The following PDE11A variants were observed in gnomAD, a reference collection of about 807,000 sequenced individuals.
PDE11A encodes dual 3',5'-cyclic-AMP and -GMP phosphodiesterase 11A.
A neutral mutation model predicts 100.5 loss-of-function variants in PDE11A; 100 were observed. The ratio of observed to expected loss-of-function variants is 1.00; its 90% CI spans 0.85 to 1.18. PDE11A has a LOEUF of 1.18. Among genes scored for constraint, PDE11A ranks in the 50% most tolerant of loss-of-function variants. PDE11A has a pLI of 0.00. For missense variants in PDE11A, 1,141 were observed against 1,152.6 expected (o/e 0.99, Z 0.15); for synonymous variants, 381 against 420.8 (o/e 0.91, Z 1.16).
intron 9 of PDE11A, among the ~76,000 whole-genome samples, chr2:177,800,731 G>C (rs1380091704): frequency 6.6e-6 from 1 of 151,802 alleles, no homozygotes; most frequent in Admixed American, 6.5e-5. Flanking sequence ...GAGACCTGAT[G>C]GGGGGAAGAA....
chr2:178,100,458 C>A (rs1574398758), intron 2 of PDE11A, among the ~76,000 whole-genome samples: 1 of 152,228 alleles, frequency 6.6e-6, no homozygotes, highest in East Asian at 1.9e-4. Context: ...TTTTTATTAA[C>A]ACTGAACTAC....
At chr2:177,784,692 C>G (rs935038158) in intron 9 of PDE11A, among the ~76,000 whole-genome samples, 1 of 152,186 alleles carries the variant, frequency 6.6e-6, no homozygotes, top group Non-Finnish European at 1.5e-5. Context: ...CTTTCCTGCA[C>G]AAGCCAAGAA....
At chr2:178,028,670 C>T (rs1159579764) in intron 1 of PDE11A, among the ~76,000 whole-genome samples, 1 of 152,194 alleles carries the variant, frequency 6.6e-6, no homozygotes, top group Non-Finnish European at 1.5e-5. Flanking sequence ...AGCCAGCTAG[C>T]AAAATGCTGC....
chr2:178,041,245 A>G (rs867443559), intron 1 of PDE11A, among the ~76,000 whole-genome samples: 1 of 139,144 alleles, frequency 7.2e-6, no homozygotes, highest in African/African-American at 2.7e-5. Context: ...AAGCTCAGAA[A>G]TTTTTTTTTT....
chr2:178,052,523 C>T (rs995744387), intron 1 of PDE11A, among the ~76,000 whole-genome samples: 1 of 152,046 alleles, frequency 6.6e-6, no homozygotes, highest in Non-Finnish European at 1.5e-5. Flanking sequence ...CAGAGCAGAA[C>T]TGAAGGAGAT....
At position 178,071,580 on chromosome 2, in the gene PDE11A, G is replaced by A. The variant is rs757577889; in HGVS notation, c.858C>T (p.Ile286=). The change falls in exon 1 of 20, where the codon ATC becomes ATT. Residue 286 remains isoleucine (I), a synonymous_variant. Transcript: ENST00000286063. ...NEVQVPWGKG[I]IGYVGEHGET... is the part of the protein sequence containing the mutation. ...CTCCATGCTCCCCGACATAGCCAAT[G>A]ATACCTTTGCCCCAGGGGACCTGCA... is the stretch of plus-strand genomic sequence containing the variant. 1.2e-5 allele frequency: 19 copies of A among 1,613,384 alleles called. No individual in the cohort carries two copies. The Admixed American group carries it at 2.7e-4, about 23-fold the overall frequency.
intron 2 of PDE11A, among the ~76,000 whole-genome samples, chr2:178,000,384 C>CA (rs1338133529): frequency 6.6e-6 from 1 of 152,174 alleles, no homozygotes; most frequent in Non-Finnish European, 1.5e-5. Context: ...TTTTGCTATA[C>CA]ATAGGAAAAT....
intron 10 of PDE11A, among the ~76,000 whole-genome samples, chr2:177,753,657 A>G: frequency 6.6e-6 from 1 of 151,810 alleles, no homozygotes; most frequent in Non-Finnish European, 1.5e-5. Context: ...TACCCACCCT[A>G]TATGGCATGT....
At chr2:177,790,870 T>G (rs1156261185) in intron 9 of PDE11A, among the ~76,000 whole-genome samples, 1 of 152,134 alleles carries the variant, frequency 6.6e-6, no homozygotes, top group Non-Finnish European at 1.5e-5. Flanking sequence ...TGGCAATCAT[T>G]AAAAAGTCAG....
chr2:177,939,675 A>G (rs1479979283), intron 2 of PDE11A, among the ~76,000 whole-genome samples: 1 of 152,246 alleles, frequency 6.6e-6, no homozygotes, highest in Non-Finnish European at 1.5e-5. Flanking sequence ...CTGGAATGCA[A>G]TCAGCAAAAT....
intron 10 of PDE11A, among the ~76,000 whole-genome samples, chr2:177,733,004 T>C (rs1420862085): frequency 1.3e-5 from 2 of 152,204 alleles, no homozygotes; most frequent in Non-Finnish European, 2.9e-5. Flanking sequence ...CAGACAAGCA[T>C]AAAAGATTTG....
At chr2:177,960,712 T>C (rs1179591157) in intron 2 of PDE11A, among the ~76,000 whole-genome samples, 1 of 152,152 alleles carries the variant, frequency 6.6e-6, no homozygotes, top group African/African-American at 2.4e-5. Flanking sequence ...AACACATTAA[T>C]CACAACTCTT....
rs181548718 is a variant in PDE11A, at chr2:178,045,154, A to G, written c.912+26372T>C. On this transcript the variant is annotated intron_variant, in intron 1 of 19. Transcript: ENST00000286063. ...ACTAGAGCTTCAGGTTTTTTCTCAG[A>G]GACAAATTGTACATCTCTTTGTTTT... 5.3e-5 allele frequency among the ~76,000 whole-genome samples: 8 copies of G among 152,250 alleles called. No individual in the cohort carries two copies. The East Asian group carries it at 1.4e-3, about 26-fold the overall frequency.
intron 6 of PDE11A, among the ~76,000 whole-genome samples, chr2:177,832,677 C>A (rs1374976180): frequency 6.6e-6 from 1 of 152,020 alleles, no homozygotes. Context: ...GGCAAGCAGA[C>A]TCAAGCATGT....
chr2:178,072,179 G>T lies in PDE11A; in HGVS notation c.259C>A (p.Leu87Ile). 6.2e-7 allele frequency: 1 copy of T among 1,613,976 alleles called. No individual in the cohort carries two copies. Among genetic ancestry groups the T allele is most frequent in the Non-Finnish European group, 8.5e-7 (1 of 1,179,932 alleles). ...CCACCACAGTCCCCGCCACCGGGAA[G>T]GGGCTGGCTGTGGGCAGAGCCATTT... is the stretch of plus-strand genomic sequence containing the variant. ...GPNGSAHSQP[L>I]PGGGDCGGVP... Residue 87 changes from leucine to isoleucine, a missense_variant, in exon 1 of 20, where the codon CTT becomes ATT. Coordinates refer to ENST00000286063, the MANE Select transcript of PDE11A (RefSeq NM_016953.4).
chr2:177,711,101 T>C (rs2081354299), intron 13 of PDE11A, among the ~76,000 whole-genome samples: 1 of 152,258 alleles, frequency 6.6e-6, no homozygotes, highest in Non-Finnish European at 1.5e-5. Flanking sequence ...TTCTGTGGCC[T>C]TGGCCACAGT....
intron 9 of PDE11A, among the ~76,000 whole-genome samples, chr2:177,787,427 C>A (rs1246162441): frequency 6.6e-6 from 1 of 151,722 alleles, no homozygotes; most frequent in Admixed American, 6.6e-5. Context: ...CCAGCCGCTG[C>A]AAAATCATGC....
At chr2:178,024,033 T>C (rs546653793) in intron 1 of PDE11A, among the ~76,000 whole-genome samples, 1 of 152,150 alleles carries the variant, frequency 6.6e-6, no homozygotes, top group East Asian at 1.9e-4. Flanking sequence ...TAAATCACAA[T>C]TGGTAGGGGG....
chr2:177,905,068 G>C (rs780994043), intron 3 of PDE11A, 30 bp downstream of exon 3: 1 of 1,124,990 alleles, frequency 8.9e-7, no homozygotes, highest in Non-Finnish European at 1.4e-6. Context: ...AGAGTTTTGA[G>C]GAGTGTCAAC....
Sources: allele counts gnomAD v4.1 joint callset (sites outside exome capture counted in the v4.1 genomes callset), GRCh38; gene constraint gnomAD v4.1.1; transcripts MANE v1.5; gene names NCBI Gene and HGNC (gene_info 2026-07-23, HGNC 2026-07-21).